KAZN: variants seen among roughly 807,000 people sequenced by gnomAD.
KAZN encodes kazrin, periplakin interacting protein.
KAZN carries 40 observed loss-of-function variants against 87.4 expected under a neutral mutation model. The observed-to-expected ratio is 0.46, with a 90% CI of 0.36 to 0.60. KAZN has a LOEUF of 0.60. Ranked by LOEUF, KAZN falls within the 20% of genes least tolerant of loss-of-function variation. The pLI is 0.00. For missense variants in KAZN, 898 were observed against 1,073.9 expected, an observed-to-expected ratio of 0.84 and a Z score of 2.29; for synonymous variants, 466 against 458.3, an observed-to-expected ratio of 1.02 and a Z score of -0.22.
At chr1:14,641,249 G>A (rs980466075) in intron 1 of KAZN, among the ~76,000 whole-genome samples, 2 of 152,158 alleles carry the variant, frequency 1.3e-5, no homozygotes, top group African/African-American at 4.8e-5. Flanking sequence ...TCAAAATAAG[G>A]AGGTAGACTG....
At chr1:14,005,415 G>C (rs1639994048) in intron 1 of KAZN, among the ~76,000 whole-genome samples, 1 of 152,206 alleles carries the variant, frequency 6.6e-6, no homozygotes, top group Non-Finnish European at 1.5e-5. Flanking sequence ...TGTATAACCA[G>C]GTAGAAAGTG....
Position 14,866,633 on chromosome 1 carries a change from A to G in KAZN, c.227-94051A>G, listed in dbSNP as rs539351773. Reference sequence around the variant, plus strand: ...TCCCAGCTGCTCAGAAAGCTGAGGTAGGAGGATCCCTTGAGCCCAGGAGGT... The same window carrying G: ...TCCCAGCTGCTCAGAAAGCTGAGGTGGGAGGATCCCTTGAGCCCAGGAGGT... On this transcript the variant is annotated intron_variant, in intron 1 of 14. Transcript: ENST00000376030. Among the ~76,000 whole-genome samples the G allele has an allele frequency of 2.6e-5, 4 of 152,312 alleles. No individual in the cohort carries two copies. In the South Asian group the frequency reaches 6.2e-4, roughly 24 times the overall value.
At chr1:14,956,019 A>C (rs1407855289) in intron 1 of KAZN, among the ~76,000 whole-genome samples, 2 of 152,234 alleles carry the variant, frequency 1.3e-5, no homozygotes, top group Non-Finnish European at 2.9e-5. Context: ...TTTGTTGTTT[A>C]TCTGAAATTC....
At chr1:14,728,755 G>A (rs1643537822) in intron 1 of KAZN, among the ~76,000 whole-genome samples, 1 of 152,254 alleles carries the variant, frequency 6.6e-6, no homozygotes, top group Middle Eastern at 3.4e-3. Context: ...CCTGCCTCTG[G>A]CATCTCACAA....
intron 1 of KAZN, among the ~76,000 whole-genome samples, chr1:14,711,773 C>T (rs371708450): frequency 2.6e-5 from 4 of 152,164 alleles, no homozygotes; most frequent in African/African-American, 4.8e-5. Flanking sequence ...CGCATGGAGC[C>T]GTGCTGTGAC....
At chr1:14,362,308 G>T (rs767168403) in intron 2 of KAZN, among the ~76,000 whole-genome samples, 1 of 152,182 alleles carries the variant, frequency 6.6e-6, no homozygotes, top group African/African-American at 2.4e-5. Flanking sequence ...GGCTGTTGAC[G>T]AGAGTCTGTC....
chr1:14,374,545 T>G (rs1406828490), intron 2 of KAZN, among the ~76,000 whole-genome samples: 1 of 152,190 alleles, frequency 6.6e-6, no homozygotes, highest in Non-Finnish European at 1.5e-5. Context: ...CGAGCCCTTT[T>G]TTTTCACCAA....
At chr1:14,889,684 TC>T (rs1329186006) in intron 1 of KAZN, among the ~76,000 whole-genome samples, 1 of 152,156 alleles carries the variant, frequency 6.6e-6, no homozygotes, top group Non-Finnish European at 1.5e-5. Context: ...ACAGGCCAAA[TC>T]CAGCCCACCA....
chr1:14,363,304 C>A (rs577171659), intron 2 of KAZN, among the ~76,000 whole-genome samples: 3 of 152,272 alleles, frequency 2.0e-5, no homozygotes, highest in Admixed American at 2.0e-4. Flanking sequence ...CTCCGTCTCC[C>A]ACCTCACAGT....
At chr1:13,978,563 G>C (rs1199035277) in intron 1 of KAZN, among the ~76,000 whole-genome samples, 2 of 151,628 alleles carry the variant, frequency 1.3e-5, no homozygotes, top group African/African-American at 4.8e-5. Flanking sequence ...TAATTCAACA[G>C]AGAGGTTTAA....
intron 2 of KAZN, among the ~76,000 whole-genome samples, chr1:14,319,545 C>T (rs557830716): frequency 1.3e-5 from 2 of 152,218 alleles, no homozygotes; most frequent in Admixed American, 6.5e-5. Context: ...TCTGTAGAGC[C>T]CCGTTCTCTC....
intron 1 of KAZN, among the ~76,000 whole-genome samples, chr1:14,102,864 G>A (rs938562514): frequency 1.3e-5 from 2 of 151,680 alleles, no homozygotes; most frequent in Non-Finnish European, 2.9e-5. Flanking sequence ...TGTCTTCCCT[G>A]TGTCATCCCA....
chr1:14,407,677 G>A (rs1663973284), intron 2 of KAZN, among the ~76,000 whole-genome samples: 2 of 152,168 alleles, frequency 1.3e-5, no homozygotes. Context: ...ATCACACCTA[G>A]CGTAGAGTGT....
At chr1:14,009,526 A>G (rs900725646) in intron 1 of KAZN, among the ~76,000 whole-genome samples, 1 of 152,154 alleles carries the variant, frequency 6.6e-6, no homozygotes, top group African/African-American at 2.4e-5. Context: ...GTGATAGCTC[A>G]CTTAATTTTC....
intron 2 of KAZN, among the ~76,000 whole-genome samples, chr1:15,019,702 G>A (rs1040596059): frequency 1.3e-5 from 2 of 152,154 alleles, no homozygotes; most frequent in African/African-American, 4.8e-5. Context: ...TTCTTCATTT[G>A]TAAACTGGGG....
At chr1:14,297,095 A>C (rs1654183227) in intron 2 of KAZN, among the ~76,000 whole-genome samples, 2 of 152,148 alleles carry the variant, frequency 1.3e-5, no homozygotes, top group South Asian at 4.1e-4. Context: ...ATTCAGCTGC[A>C]AGGAACAGAA....
intron 2 of KAZN, among the ~76,000 whole-genome samples, chr1:14,189,210 T>C (rs1646374707): frequency 6.6e-6 from 1 of 152,188 alleles, no homozygotes; most frequent in Admixed American, 6.5e-5. Flanking sequence ...TACTCACTTA[T>C]TCCTGTGGGA....
At chr1:14,873,277 G>A (rs563083258) in intron 1 of KAZN, among the ~76,000 whole-genome samples, 33 of 152,360 alleles carry the variant, frequency 2.2e-4, no homozygotes, top group Admixed American at 9.1e-4. Flanking sequence ...CAAAGCTCCT[G>A]CTTTCAGAAA....
In KAZN at chr1:15,032,881, G is replaced by A. The variant is rs10927635; in HGVS notation, c.419-1868G>A. 5.8e-3 allele frequency among the ~76,000 whole-genome samples: 879 copies of A among 152,034 alleles called. 13 individuals are homozygous for A. The highest frequency in any genetic ancestry group is 0.02 in the African/African-American group (827 of 41,470). ...GGAGAATCACTCGAACCCGGGAGGC[G>A]GAGATTGCAGTGAGCCGAAATCGCG... On this transcript the variant is annotated intron_variant, in intron 2 of 14. Transcript: ENST00000376030.
Sources: gnomAD v4.1 joint callset for allele counts (sites outside exome capture counted in the v4.1 genomes callset) on GRCh38, gnomAD v4.1.1 for gene constraint, MANE v1.5 for transcripts, NCBI Gene and HGNC (gene_info 2026-07-23, HGNC 2026-07-21) for gene names.